The following GPD2 variants were observed in gnomAD, a reference collection of about 807,000 sequenced individuals.
GPD2 encodes glycerol-3-phosphate dehydrogenase 2, also known as glycerol-3-phosphate dehydrogenase, mitochondrial.
In GPD2, 54 loss-of-function variants were observed where a neutral mutation model predicts 82.4. That is an observed-to-expected ratio of 0.66 (90% CI 0.53 to 0.82). The LOEUF (loss-of-function observed/expected upper bound fraction) is 0.82. GPD2 is among the 40% of genes least tolerant of loss of function. The pLI, the probability that GPD2 is intolerant of heterozygous loss-of-function variation, is 0.00. For synonymous variants in GPD2, 288 were observed against 306.1 expected, an observed-to-expected ratio of 0.94 and a Z score of 0.62; for missense variants, 748 against 896.2, an observed-to-expected ratio of 0.83 and a Z score of 2.11.
rs114606583 is a variant in GPD2, at chr2:156,537,264, C to T, written c.662-12344C>T. Among the ~76,000 whole-genome samples the T allele has an allele frequency of 6.4e-3, 974 of 152,292 alleles. 8 individuals are homozygous for T. Among genetic ancestry groups the T allele is most frequent in the African/African-American group, 0.023 (942 of 41,550 alleles). ...GGATTGACTCAGGGACTGCGTGGGG[C>T]TGACCCTGCAGGTTGAATGCTGTCA... is the stretch of plus-strand genomic sequence containing the variant. On this transcript the variant is annotated intron_variant, in intron 6 of 16. Coordinates refer to ENST00000438166, the MANE Select transcript of GPD2 (RefSeq NM_000408.5).
chr2:156,540,395 G>A (rs1417450339), intron 6 of GPD2, among the ~76,000 whole-genome samples: 1 of 152,186 alleles, frequency 6.6e-6, no homozygotes, highest in African/African-American at 2.4e-5. Flanking sequence ...CCAGGGGACC[G>A]TTCTTCCTCT....
chr2:156,569,572 A>G, intron 11 of GPD2, 34 bp downstream of exon 11: 2 of 1,519,734 alleles, frequency 1.3e-6, no homozygotes, highest in African/African-American at 2.7e-5. Context: ...CTTACTCTTT[A>G]CCTAATCTCT....
intron 6 of GPD2, among the ~76,000 whole-genome samples, chr2:156,539,008 TAG>T (rs1686197951): frequency 6.6e-6 from 1 of 152,154 alleles, no homozygotes. Flanking sequence ...TTTCATCTTT[TAG>T]AGTCTCAAGC....
the GPD2 span, among the ~76,000 whole-genome samples, chr2:156,422,752 C>A: frequency 4.0e-5 from 6 of 149,678 alleles, no homozygotes; most frequent in East Asian, 3.9e-4. Context: ...AACAAACAAA[C>A]AAAAAAAAAC....
intron 1 of GPD2, among the ~76,000 whole-genome samples, chr2:156,439,552 A>AAG (rs1682081123): frequency 7.2e-6 from 1 of 137,946 alleles, no homozygotes; most frequent in Non-Finnish European, 1.6e-5. Flanking sequence ...AAAAAAAAAA[A>AAG]ACAAGCCAGG....
chr2:156,510,611 T>C (rs1347410590), intron 3 of GPD2, among the ~76,000 whole-genome samples, 185 bp from the exon 4 acceptor site: 1 of 152,238 alleles, frequency 6.6e-6, no homozygotes, highest in Non-Finnish European at 1.5e-5. Flanking sequence ...GGCTTGACTT[T>C]TCCCCCAGGA....
intron 6 of GPD2, among the ~76,000 whole-genome samples, chr2:156,541,144 C>G (rs911162711): frequency 1.3e-5 from 2 of 152,210 alleles, no homozygotes; most frequent in Admixed American, 1.3e-4. Context: ...CCTTCCACAG[C>G]TGAGAGATCA....
chr2:156,474,683 C>G (rs1481108918), intron 1 of GPD2, among the ~76,000 whole-genome samples: 1 of 152,114 alleles, frequency 6.6e-6, no homozygotes, highest in Non-Finnish European at 1.5e-5. Flanking sequence ...TTTATGCAAT[C>G]TTCTTAGTTT....
intron 16 of GPD2, among the ~76,000 whole-genome samples, chr2:156,581,935 CAT>C (rs757563999): frequency 1.3e-5 from 2 of 150,288 alleles, no homozygotes; most frequent in East Asian, 1.9e-4. Context: ...ATAGATACAT[CAT>C]ATATATATAT....
chr2:156,474,109 A>G (rs1683424304), intron 1 of GPD2, among the ~76,000 whole-genome samples: 1 of 152,146 alleles, frequency 6.6e-6, no homozygotes, highest in African/African-American at 2.4e-5. Context: ...GCAGCTCACT[A>G]CAAGCTCAAA....
chr2:156,421,590 A>T, the GPD2 span, among the ~76,000 whole-genome samples: 5 of 152,176 alleles, frequency 3.3e-5, no homozygotes, highest in African/African-American at 1.2e-4. Flanking sequence ...CCCAACTCTT[A>T]TCCTTCAATC....
chr2:156,536,035 A>T (rs1686065145), intron 6 of GPD2, among the ~76,000 whole-genome samples: 1 of 152,200 alleles, frequency 6.6e-6, no homozygotes, highest in Non-Finnish European at 1.5e-5. Flanking sequence ...TATCATATTA[A>T]GCTCTTTGAC....
chr2:156,530,378 A>C (rs1472618101), intron 6 of GPD2, among the ~76,000 whole-genome samples: 1 of 148,194 alleles, frequency 6.7e-6, no homozygotes, highest in Non-Finnish European at 1.5e-5. Context: ...ATCTGCAAAC[A>C]GGGACAATTT....
chr2:156,585,239 G>C lies in GPD2; in HGVS notation c.*2321G>C, dbSNP rs1427234389. 1.3e-5 allele frequency: 2 copies of C among 152,342 alleles called. No homozygotes were observed. Among genetic ancestry groups the C allele is most frequent in the Non-Finnish European group, 2.9e-5 (2 of 67,924 alleles). 9.4% of individuals were successfully genotyped at this position (152,342 alleles called of 1,614,324 possible). On this transcript the variant is annotated 3_prime_UTR_variant, in exon 17 of 17. Coordinates refer to ENST00000438166, the MANE Select transcript of GPD2 (RefSeq NM_000408.5). The stretch of plus-strand genomic sequence containing the variant: ...ATTTAAGAAAGGGAGACAAGCAATA[G>C]GGGGGAATAAGCTTCTTCAAAATTC...
At chr2:156,402,075 A>G in the GPD2 span, among the ~76,000 whole-genome samples, 1 of 152,222 alleles carries the variant, frequency 6.6e-6, no homozygotes, top group African/African-American at 2.4e-5. Context: ...AGTACACTAC[A>G]CATGGACTTC....
rs1553467432 is a variant in GPD2, at chr2:156,476,142, G to T, written c.37G>T (p.Val13Phe). ...AAAGGCAGTGAAAGGGACGATTCTT[G>T]TTGGAGGAGGTGCTCTTGCAACTGT... ...FQKAVKGTIL[V>F]GGGALATVLG... Residue 13 changes from valine (V) to phenylalanine (F), a missense_variant, in exon 2 of 17, where the codon GTT (valine) becomes TTT (phenylalanine). Val to Phe is a conservative substitution (Grantham distance 50). Around this residue, in one of 3 missense-constraint regions of GPD2, gnomAD observed 692 missense variants for 809.7 expected, o/e 0.85. Transcript: ENST00000438166. 2 of 1,611,048 alleles carry T rather than the reference G, an allele frequency of 1.2e-6. No individual in the cohort carries two copies. Among genetic ancestry groups the T allele is most frequent in the South Asian group, 1.1e-5 (1 of 91,012 alleles).
At position 156,583,132 on chromosome 2, in the gene GPD2, A is replaced by G; in HGVS notation, c.*214A>G. On this transcript the variant is annotated 3_prime_UTR_variant, in exon 17 of 17. Transcript: ENST00000438166. ...GCCATTCAGTCTAGCTTTTAAGTAT[A>G]TTTTTTTCTTTTTCTCATTTTCAAT... The G allele has an allele frequency of 1.8e-6, 1 of 554,122 alleles. No homozygotes were observed. Among genetic ancestry groups the G allele is most frequent in the South Asian group, 2.1e-5 (1 of 48,534 alleles). 34.3% of individuals were successfully genotyped at this position (554,122 alleles called of 1,614,324 possible). A position where few individuals can be genotyped will look rare whatever the true frequency, so the allele number is the denominator to read the frequency against.
chr2:156,511,248 G>A lies in GPD2; in HGVS notation c.399+328G>A, dbSNP rs906392486. On this transcript the variant is annotated intron_variant, in intron 4 of 16. Coordinates refer to ENST00000438166, the MANE Select transcript of GPD2 (RefSeq NM_000408.5). ...TTGCTACTTTGCAAGCACTTTCAGG[G>A]GAGCTATGTTGTAATGCAGGGGGAG... 3.9e-5 allele frequency among the ~76,000 whole-genome samples: 6 copies of A among 152,150 alleles called. No homozygotes were observed. In the East Asian group the frequency reaches 5.8e-4, roughly 15 times the overall value.
the GPD2 span, among the ~76,000 whole-genome samples, chr2:156,421,510 T>C: frequency 1.3e-5 from 2 of 152,122 alleles, no homozygotes; most frequent in South Asian, 4.1e-4. Context: ...ATCATGAAAA[T>C]GTGCGTGTTA....
Sources: gnomAD v4.1 joint callset for allele counts (sites outside exome capture counted in the v4.1 genomes callset) on GRCh38, gnomAD v4.1.1 for gene constraint, gnomAD v4.1.1 regional missense constraint, MANE v1.5 for transcripts, NCBI Gene and HGNC (gene_info 2026-07-23, HGNC 2026-07-21) for gene names.